PHKA2: variants seen among roughly 807,000 people sequenced by gnomAD.
PHKA2 encodes the protein phosphorylase kinase regulatory subunit alpha 2, also known as phosphorylase b kinase regulatory subunit alpha, liver isoform.
PHKA2 carries 31 observed loss-of-function variants against 102.0 expected under a neutral mutation model. The ratio of observed to expected loss-of-function variants is 0.30; its 90% CI spans 0.23 to 0.41. PHKA2 has a LOEUF of 0.41. Ranked by LOEUF, PHKA2 falls within the 10% of genes least tolerant of loss-of-function variation. The probability of loss-of-function intolerance (pLI) is 1.00; values close to 1 mark genes in which losing one functional copy is unlikely to be tolerated. For synonymous variants in PHKA2, 455 were observed against 416.2 expected (o/e 1.09, Z -1.13); for missense variants, 858 against 1,023.1 (o/e 0.84, Z 2.20).
chrX:18,954,250 T>C lies in PHKA2; in HGVS notation c.237+4A>G. ...GCCGAGATACAGCTGTCAGTCACTATTACCTGCTCCAGCTCGTAGGCCTTG... is the reference window on the plus strand; with the variant it reads ...GCCGAGATACAGCTGTCAGTCACTACTACCTGCTCCAGCTCGTAGGCCTTG... On this transcript the variant is annotated splice_donor_region_variant and intron_variant, in intron 2 of 32. Transcript: ENST00000379942. 8.3e-7 allele frequency: 1 copy of C among 1,211,515 alleles called. No individual in the cohort carries two copies. The highest frequency in any genetic ancestry group is 1.1e-6 in the Non-Finnish European group (1 of 895,002).
At chrX:18,944,862 C>G (rs1480415649) in intron 6 of PHKA2, among the ~76,000 whole-genome samples, 2 of 112,456 alleles carry the variant, frequency 1.8e-5, no homozygotes, top group African/African-American at 6.5e-5. Flanking sequence ...ACGGAGCACT[C>G]TTACTTTCTG....
intron 17 of PHKA2, among the ~76,000 whole-genome samples, chrX:18,921,051 G>A (rs181377771): frequency 9.0e-6 from 1 of 111,460 alleles, no homozygotes; most frequent in African/African-American, 3.3e-5. Flanking sequence ...ATGACAGCCC[G>A]AGGGAAAGAA....
intron 1 of PHKA2, among the ~76,000 whole-genome samples, chrX:18,976,988 T>C (rs1399110367): frequency 8.9e-6 from 1 of 112,614 alleles, no homozygotes; most frequent in African/African-American, 3.2e-5. Flanking sequence ...TGTGAGTTTA[T>C]TAATTTTTAA....
At chrX:18,953,761 C>T (rs1463956131) in intron 2 of PHKA2, among the ~76,000 whole-genome samples, 4 of 111,246 alleles carry the variant, frequency 3.6e-5, no homozygotes, top group Non-Finnish European at 5.7e-5. Context: ...CTGAGGTGGG[C>T]GGATCACTTG....
chrX:18,965,450 G>A (rs191692929), intron 1 of PHKA2, among the ~76,000 whole-genome samples: 207 of 111,638 alleles, frequency 1.9e-3, no homozygotes, highest in African/African-American at 6.2e-3. Flanking sequence ...AATTATAAGC[G>A]TGACTTTTAT....
At chrX:18,973,836 CTTAAA>C (rs780763818) in intron 1 of PHKA2, among the ~76,000 whole-genome samples, 4 of 112,035 alleles carry the variant, frequency 3.6e-5, no homozygotes, top group East Asian at 2.8e-4. Flanking sequence ...ACTGAACTCC[CTTAAA>C]TTAATGACCC....
intron 1 of PHKA2, among the ~76,000 whole-genome samples, chrX:18,957,412 T>C (rs1203114329): frequency 9.0e-6 from 1 of 111,602 alleles, no homozygotes; most frequent in Non-Finnish European, 1.9e-5. Flanking sequence ...CTGATGCCAT[T>C]CTGCAAGCTA....
chrX:18,910,982 A>G (rs762503778), intron 19 of PHKA2, 22 bp from the exon 20 acceptor site: 3 of 1,017,286 alleles, frequency 2.9e-6, no homozygotes, highest in Non-Finnish European at 4.1e-6. Flanking sequence ...AAGAATAAAG[A>G]GAGTTATTCT....
At chrX:18,936,567 A>C (rs1425461637) in intron 10 of PHKA2, among the ~76,000 whole-genome samples, 2 of 112,490 alleles carry the variant, frequency 1.8e-5, no homozygotes, top group Admixed American at 9.4e-5. Context: ...CAGTAACCGG[A>C]TTATAAACTT....
intron 25 of PHKA2, among the ~76,000 whole-genome samples, chrX:18,906,077 C>A (rs1569297029): frequency 8.9e-6 from 1 of 111,946 alleles, no homozygotes; most frequent in Non-Finnish European, 1.9e-5. Flanking sequence ...TTCTTAGACA[C>A]ATGATGTTTC....
chrX:18,898,326 G>T (rs2047612665), intron 29 of PHKA2, among the ~76,000 whole-genome samples: 1 of 112,915 alleles, frequency 8.9e-6, no homozygotes, highest in Non-Finnish European at 1.9e-5. Flanking sequence ...GCGGGCCTCT[G>T]TGAGTGGGGG....
chrX:18,920,288 G>T, intron 17 of PHKA2, 87 bp from the exon 18 acceptor site: 1 of 562,631 alleles, frequency 1.8e-6, no homozygotes. Context: ...GCACAACCAT[G>T]TGGTGCTTCT....
chrX:18,945,926 T>C lies in PHKA2; in HGVS notation c.538-768A>G, dbSNP rs755597778. On this transcript the variant is annotated intron_variant, in intron 5 of 32. Coordinates refer to ENST00000379942, the MANE Select transcript of PHKA2 (RefSeq NM_000292.3). ...TCCAAAAAAGAATATTTTCTTTTTTTCTTTTTTTTTATTTTTATTTTTTGA... is the reference window on the plus strand; with the variant it reads ...TCCAAAAAAGAATATTTTCTTTTTTCCTTTTTTTTTATTTTTATTTTTTGA... Among the ~76,000 whole-genome samples, 6 of 111,607 alleles carry C rather than the reference T, an allele frequency of 5.4e-5. No homozygotes were observed. In the East Asian group the frequency reaches 1.7e-3, roughly 31 times the overall value.
chrX:18,969,489 C>T (rs1346966444), intron 1 of PHKA2, among the ~76,000 whole-genome samples: 1 of 111,261 alleles, frequency 9.0e-6, no homozygotes, highest in African/African-American at 3.3e-5. Context: ...ATTTTTAATG[C>T]TCCAAAAAGG....
intron 11 of PHKA2, among the ~76,000 whole-genome samples, chrX:18,933,838 C>G (rs757850918): frequency 9.0e-6 from 1 of 111,391 alleles, no homozygotes; most frequent in Non-Finnish European, 1.9e-5. Flanking sequence ...AGCAGAAACC[C>G]AAAGGTCAGT....
chrX:18,964,481 C>T (rs907827202), intron 1 of PHKA2, among the ~76,000 whole-genome samples: 3 of 112,455 alleles, frequency 2.7e-5, no homozygotes, highest in South Asian at 3.7e-4. Context: ...AAATAAAATA[C>T]GCACAAGAGA....
At chrX:18,947,017 T>C (rs1249175483) in intron 5 of PHKA2, among the ~76,000 whole-genome samples, 1 of 110,522 alleles carries the variant, frequency 9.0e-6, no homozygotes, top group Non-Finnish European at 1.9e-5. Flanking sequence ...GAGGGCAAGA[T>C]TGCCTCTCGT....
At chrX:18,896,313 G>T (rs2047552409) in intron 30 of PHKA2, 1 of 110,527 alleles carries the variant, frequency 9.0e-6, no homozygotes, top group African/African-American at 3.3e-5. Context: ...GGGAGACACT[G>T]GGGGGGTACA....
chrX:18,938,611 C>G lies in PHKA2; in HGVS notation c.1041+16G>C, dbSNP rs201556330. 7.1e-5 allele frequency: 85 copies of G among 1,195,801 alleles called. 1 individual carries two copies. In the East Asian group the frequency reaches 2.5e-3, roughly 35 times the overall value. ...AATGAAAATAATTATCAACGTAACACCCAGCATTTTCTCACCTGAACAGCA... is the reference window on the plus strand; with the variant it reads ...AATGAAAATAATTATCAACGTAACAGCCAGCATTTTCTCACCTGAACAGCA... On this transcript the variant is annotated intron_variant, in intron 10 of 32. Transcript: ENST00000379942.
Sources: allele counts gnomAD v4.1 joint callset (sites outside exome capture counted in the v4.1 genomes callset), GRCh38; gene constraint gnomAD v4.1.1; transcripts MANE v1.5; gene names NCBI Gene and HGNC (gene_info 2026-07-23, HGNC 2026-07-21).